Variants in ZMYM4 observed in about 807,000 individuals in gnomAD.
ZMYM4 encodes zinc finger MYM-type protein 4.
ZMYM4 carries 31 observed loss-of-function variants against 183.2 expected under a neutral mutation model. That is an observed-to-expected ratio of 0.17 (90% CI 0.13 to 0.23). ZMYM4 has a LOEUF of 0.23. Among genes scored for constraint, ZMYM4 ranks in the 10% least tolerant of loss-of-function variants. The pLI is 1.00. For missense variants in ZMYM4, 1,273 were observed against 1,840.3 expected (o/e 0.69, Z 5.64); for synonymous variants, 592 against 631.2 (o/e 0.94, Z 0.93).
At chr1:35,375,234 T>A (rs77419740) in intron 7 of ZMYM4, among the ~76,000 whole-genome samples, 4,997 of 152,274 alleles carry the variant, frequency 0.033, 91 homozygotes, top group Non-Finnish European at 0.052. Flanking sequence ...TTCCTTATAT[T>A]CCATTTTACT....
chr1:35,316,328 C>T (rs576064665), intron 1 of ZMYM4, among the ~76,000 whole-genome samples: 1 of 152,278 alleles, frequency 6.6e-6, no homozygotes, highest in South Asian at 2.1e-4. Flanking sequence ...AGTTAGTCCT[C>T]ACTTTTATTT....
chr1:35,352,584 C>T (rs1049874945), intron 2 of ZMYM4, among the ~76,000 whole-genome samples: 4 of 152,176 alleles, frequency 2.6e-5, no homozygotes, highest in Non-Finnish European at 4.4e-5. Flanking sequence ...CTCATTTTCC[C>T]ACTGATGTAG....
intron 7 of ZMYM4, among the ~76,000 whole-genome samples, chr1:35,376,406 T>G (rs886165680): frequency 1.3e-5 from 2 of 152,234 alleles, no homozygotes; most frequent in Non-Finnish European, 2.9e-5. Flanking sequence ...AACTCCTATT[T>G]AAGGTCCAGC....
chr1:35,300,618 A>G (rs976779486), intron 1 of ZMYM4, among the ~76,000 whole-genome samples: 3 of 151,222 alleles, frequency 2.0e-5, no homozygotes, highest in African/African-American at 7.3e-5. Flanking sequence ...TTTATTTTGG[A>G]CTGTTTCTTT....
At chr1:35,382,007 T>G (rs1010038848) in intron 9 of ZMYM4, among the ~76,000 whole-genome samples, 1 of 151,584 alleles carries the variant, frequency 6.6e-6, no homozygotes, top group Non-Finnish European at 1.5e-5. Flanking sequence ...TAGCCAGGTG[T>G]GGTGGCACAT....
intron 1 of ZMYM4, among the ~76,000 whole-genome samples, chr1:35,287,955 T>C (rs1270504085): frequency 2.0e-5 from 3 of 152,230 alleles, no homozygotes; most frequent in African/African-American, 7.2e-5. Context: ...CTGGATGGAA[T>C]GCAGTGGCAA....
At chr1:35,274,211 CTT>C (rs778997158) in intron 1 of ZMYM4, among the ~76,000 whole-genome samples, 8 of 152,096 alleles carry the variant, frequency 5.3e-5, no homozygotes, top group African/African-American at 1.2e-4. Flanking sequence ...AGTATTGACT[CTT>C]TGTTTAGAGA....
intron 1 of ZMYM4, among the ~76,000 whole-genome samples, chr1:35,312,485 C>T (rs1443032829): frequency 6.6e-6 from 1 of 152,118 alleles, no homozygotes; most frequent in African/African-American, 2.4e-5. Flanking sequence ...ACTATTAACA[C>T]CATCCATATC....
In ZMYM4 at chr1:35,419,821, A is replaced by C. The variant is rs1443628021; in HGVS notation, c.*144A>C. ...AAAACAGATGACTTGTGAACCCCAC[A>C]GTGTGGATGTGCAAATGAAAATTGA... On this transcript the variant is annotated 3_prime_UTR_variant, in exon 30 of 30. Coordinates refer to ENST00000314607, the MANE Select transcript of ZMYM4 (RefSeq NM_005095.3). 5 of 748,840 alleles carry C rather than the reference A, an allele frequency of 6.7e-6. No homozygotes were observed. The highest frequency in any genetic ancestry group is 3.7e-5 in the South Asian group (2 of 54,614). The allele number at this position is 748,840 out of a possible 1,614,324, so 46.4% of individuals were successfully genotyped here.
intron 1 of ZMYM4, among the ~76,000 whole-genome samples, chr1:35,311,363 A>C (rs1419477720): frequency 6.6e-6 from 1 of 151,516 alleles, no homozygotes; most frequent in Non-Finnish European, 1.5e-5. Flanking sequence ...CGGAGGTTTC[A>C]GTGAGCCGAT....
intron 1 of ZMYM4, among the ~76,000 whole-genome samples, chr1:35,322,330 A>G (rs972412020): frequency 2.0e-4 from 30 of 152,094 alleles, no homozygotes; most frequent in African/African-American, 7.0e-4. Context: ...TTTCCAAACA[A>G]TTTTTTAGAA....
At chr1:35,271,357 C>T (rs1639592331) in intron 1 of ZMYM4, among the ~76,000 whole-genome samples, 1 of 140,160 alleles carries the variant, frequency 7.1e-6, no homozygotes, top group Non-Finnish European at 1.5e-5. Flanking sequence ...TAAAGGAATG[C>T]TGGAAAAAAA....
chr1:35,270,356 A>G (rs1186848173), intron 1 of ZMYM4, among the ~76,000 whole-genome samples: 3 of 152,214 alleles, frequency 2.0e-5, no homozygotes, highest in Non-Finnish European at 2.9e-5. Context: ...AGAAGTGTCA[A>G]GTATTATTTT....
chr1:35,354,931 C>A (rs568221323), intron 2 of ZMYM4, among the ~76,000 whole-genome samples: 2 of 151,880 alleles, frequency 1.3e-5, no homozygotes, highest in Non-Finnish European at 2.9e-5. Context: ...TTGCAGCCTA[C>A]ATATGGTCTC....
Position 35,421,088 on chromosome 1 carries a change from A to G in ZMYM4, c.*1411A>G, listed in dbSNP as rs1349120199. 6.6e-6 allele frequency: 1 copy of G among 152,510 alleles called. No homozygotes were observed. Among genetic ancestry groups the G allele is most frequent in the African/African-American group, 2.4e-5 (1 of 41,468 alleles). The allele number at this position is 152,510 out of a possible 1,614,324, so 9.4% of individuals were successfully genotyped here. On this transcript the variant is annotated 3_prime_UTR_variant, in exon 30 of 30. Transcript: ENST00000314607. ...TTTGACGCTATGATAAAACTGAGAG[A>G]TGTCAAAAAGCCTCTTAGAAATTTT...
chr1:35,313,896 G>A (rs1183064756), intron 1 of ZMYM4, among the ~76,000 whole-genome samples: 2 of 152,160 alleles, frequency 1.3e-5, no homozygotes, highest in Non-Finnish European at 2.9e-5. Context: ...TGGATCCCAA[G>A]TGGCTAACTG....
At chr1:35,385,006 C>A (rs1390901943) in intron 9 of ZMYM4, among the ~76,000 whole-genome samples, 1 of 151,920 alleles carries the variant, frequency 6.6e-6, no homozygotes, top group African/African-American at 2.4e-5. Flanking sequence ...CTATGCCTGG[C>A]TAATTTTTTT....
intron 9 of ZMYM4, among the ~76,000 whole-genome samples, chr1:35,383,066 G>T (rs1216179368): frequency 1.3e-5 from 2 of 152,150 alleles, no homozygotes; most frequent in Non-Finnish European, 2.9e-5. Flanking sequence ...AATAGATGTG[G>T]ATTATATATT....
chr1:35,305,414 T>C (rs984278806), intron 1 of ZMYM4, among the ~76,000 whole-genome samples: 1 of 152,180 alleles, frequency 6.6e-6, no homozygotes, highest in African/African-American at 2.4e-5. Context: ...TCATATTTAG[T>C]GACTCTATTC....
Sources: allele counts gnomAD v4.1 joint callset (sites outside exome capture counted in the v4.1 genomes callset), GRCh38; gene constraint gnomAD v4.1.1; transcripts MANE v1.5; gene names NCBI Gene and HGNC (gene_info 2026-07-23, HGNC 2026-07-21).